Variants in AUTS2 observed in about 807,000 individuals in gnomAD.
The protein encoded by AUTS2 is autism susceptibility gene 2 protein.
Under a neutral mutation model 112.4 loss-of-function variants are expected in AUTS2, and 17 were observed. The observed-to-expected ratio is 0.15, with a 90% CI of 0.10 to 0.23. The LOEUF is 0.23. AUTS2 is among the 10% of genes least tolerant of loss of function. The pLI is 1.00. For synonymous variants in AUTS2, 751 were observed against 702.7 expected, an observed-to-expected ratio of 1.07 and a Z score of -1.09; for missense variants, 1,510 against 1,701.6, an observed-to-expected ratio of 0.89 and a Z score of 1.98.
intron 5 of AUTS2, among the ~76,000 whole-genome samples, chr7:70,549,376 A>G (rs1800926758): frequency 6.6e-6 from 1 of 152,148 alleles, no homozygotes; most frequent in African/African-American, 2.4e-5. Flanking sequence ...CCTGATACAG[A>G]ATTTTAGGAA....
At chr7:69,608,229 C>T (rs1373521549) in intron 1 of AUTS2, among the ~76,000 whole-genome samples, 5 of 152,248 alleles carry the variant, frequency 3.3e-5, no homozygotes, top group African/African-American at 7.2e-5. Context: ...GCACTGCACC[C>T]GGCAAGAAAT....
intron 5 of AUTS2, among the ~76,000 whole-genome samples, chr7:70,690,052 G>T (rs535590718): frequency 6.6e-6 from 1 of 152,294 alleles, no homozygotes; most frequent in African/African-American, 2.4e-5. Flanking sequence ...TAAGTGCCAG[G>T]CACTGTTACT....
intron 2 of AUTS2, among the ~76,000 whole-genome samples, chr7:70,015,865 T>TC (rs71529996): frequency 2.0e-5 from 3 of 151,988 alleles, no homozygotes; most frequent in African/African-American, 4.8e-5. Context: ...TGTTGTTTTT[T>TC]CCCCCTGTGC....
intron 4 of AUTS2, among the ~76,000 whole-genome samples, chr7:70,149,637 A>G (rs765075177): frequency 1.3e-5 from 2 of 152,054 alleles, no homozygotes; most frequent in Non-Finnish European, 2.9e-5. Flanking sequence ...ACCCAAAGAT[A>G]GTCTTCTCTG....
At chr7:70,125,700 C>T (rs559620362) in intron 3 of AUTS2, among the ~76,000 whole-genome samples, 12 of 152,240 alleles carry the variant, frequency 7.9e-5, no homozygotes, top group East Asian at 5.8e-4. Context: ...ACCTCCTACC[C>T]GGCAATCATG....
intron 4 of AUTS2, among the ~76,000 whole-genome samples, chr7:70,212,367 T>C (rs769512186): frequency 1.3e-5 from 2 of 152,192 alleles, no homozygotes; most frequent in Non-Finnish European, 2.9e-5. Flanking sequence ...CACCAGCTCA[T>C]AGTTGGGACT....
At chr7:70,144,612 G>C (rs1367675110) in intron 4 of AUTS2, among the ~76,000 whole-genome samples, 1 of 152,160 alleles carries the variant, frequency 6.6e-6, no homozygotes, top group Admixed American at 6.6e-5. Flanking sequence ...CTATTATTTT[G>C]GTTTTACATA....
intron 5 of AUTS2, among the ~76,000 whole-genome samples, chr7:70,625,787 A>G (rs1278502310): frequency 6.6e-6 from 1 of 152,240 alleles, no homozygotes; most frequent in Non-Finnish European, 1.5e-5. Context: ...AACTGTAACC[A>G]TATCCAATTG....
chr7:69,676,479 A>T (rs1448669874), intron 1 of AUTS2, among the ~76,000 whole-genome samples: 2 of 152,212 alleles, frequency 1.3e-5, no homozygotes, highest in Non-Finnish European at 2.9e-5. Context: ...GTCCTGAGCC[A>T]CCTCTTGTAA....
intron 4 of AUTS2, among the ~76,000 whole-genome samples, chr7:70,196,353 A>G (rs971179195): frequency 1.5e-4 from 23 of 152,212 alleles, no homozygotes; most frequent in African/African-American, 5.5e-4. Flanking sequence ...TGAGGGAGCT[A>G]CAGCTTTCCC....
chr7:70,378,225 A>G (rs761798379), intron 4 of AUTS2, among the ~76,000 whole-genome samples: 19 of 152,070 alleles, frequency 1.2e-4, no homozygotes, highest in Non-Finnish European at 2.1e-4. Flanking sequence ...CATTTTCTCT[A>G]TTGTGAATAA....
At chr7:70,023,928 C>T (rs1416370846) in intron 2 of AUTS2, among the ~76,000 whole-genome samples, 1 of 152,178 alleles carries the variant, frequency 6.6e-6, no homozygotes, top group Non-Finnish European at 1.5e-5. Flanking sequence ...AGAGCAACTT[C>T]AGTGACTTGA....
Position 69,792,234 on chromosome 7 carries a change from T to G in AUTS2, c.310-107052T>G, listed in dbSNP as rs189493672. On this transcript the variant is annotated intron_variant, in intron 1 of 18. Transcript: ENST00000342771. The stretch of plus-strand genomic sequence containing the variant: ...ATAGGCAAACACGTTAAGTTGTTGT[T>G]TTTTTTTTGTTTTGTTTTTTTTTAA... Among the ~76,000 whole-genome samples the G allele has an allele frequency of 7.2e-4, 108 of 150,472 alleles. 1 individual carries two copies. In the East Asian group the frequency reaches 0.019, roughly 27 times the overall value.
intron 2 of AUTS2, among the ~76,000 whole-genome samples, chr7:69,914,514 C>T (rs1252193307): frequency 6.6e-6 from 1 of 151,772 alleles, no homozygotes; most frequent in East Asian, 1.9e-4. Flanking sequence ...CCCAAGCAAC[C>T]CCTGCGCCCT....
At chr7:69,604,118 C>T (rs1792582800) in intron 1 of AUTS2, among the ~76,000 whole-genome samples, 1 of 152,150 alleles carries the variant, frequency 6.6e-6, no homozygotes, top group African/African-American at 2.4e-5. Context: ...TAAAGGAAGA[C>T]TCATTTCTAG....
chr7:70,305,139 T>G (rs1305423328), intron 4 of AUTS2, among the ~76,000 whole-genome samples: 3 of 152,150 alleles, frequency 2.0e-5, no homozygotes, highest in Non-Finnish European at 4.4e-5. Context: ...TAACCCATTT[T>G]TATATATTTG....
chr7:69,814,903 C>T (rs952773110), intron 1 of AUTS2, among the ~76,000 whole-genome samples: 4 of 152,230 alleles, frequency 2.6e-5, no homozygotes, highest in African/African-American at 4.8e-5. Context: ...TAATGAAAGG[C>T]AGCAGTTCCT....
chr7:70,193,725 A>G (rs1424512813), intron 4 of AUTS2, among the ~76,000 whole-genome samples: 1 of 152,112 alleles, frequency 6.6e-6, no homozygotes. Context: ...ATCCAACATA[A>G]TTTTCTAACA....
At chr7:70,209,924 T>C (rs1038148448) in intron 4 of AUTS2, among the ~76,000 whole-genome samples, 19 of 152,118 alleles carry the variant, frequency 1.2e-4, no homozygotes, top group Admixed American at 7.9e-4. Flanking sequence ...CTGGTTCTGC[T>C]TGTTGGAATC....
Sources: allele counts gnomAD v4.1 joint callset (sites outside exome capture counted in the v4.1 genomes callset), GRCh38; gene constraint gnomAD v4.1.1; transcripts MANE v1.5; gene names NCBI Gene and HGNC (gene_info 2026-07-23, HGNC 2026-07-21).